Variants in ARHGAP39 observed in about 807,000 individuals in gnomAD.
ARHGAP39 encodes Rho GTPase activating protein 39.
ARHGAP39 carries 44 observed loss-of-function variants against 106.9 expected under a neutral mutation model. The observed-to-expected ratio is 0.41, with a 90% CI of 0.32 to 0.53. The LOEUF is 0.53. ARHGAP39 is among the 20% of genes least tolerant of loss of function. The pLI is 0.21. For synonymous variants in ARHGAP39, 768 were observed against 693.2 expected (o/e 1.11, Z -1.69); for missense variants, 1,496 against 1,577.3 (o/e 0.95, Z 0.87).
chr8:144,640,216 C>T (rs1293166574), intron 1 of ARHGAP39, among the ~76,000 whole-genome samples: 1 of 152,184 alleles, frequency 6.6e-6, no homozygotes. Context: ...GGCTCAGTTG[C>T]ACACGGGGGA....
intron 2 of ARHGAP39, among the ~76,000 whole-genome samples, chr8:144,600,989 C>T (rs55951122): frequency 0.068 from 9,057 of 134,054 alleles, 373 homozygotes; most frequent in Non-Finnish European, 0.091. Context: ...GGTGTGTGTG[C>T]GAGCTCATGT....
At chr8:144,539,155 G>C (rs907454607) in intron 6 of ARHGAP39, among the ~76,000 whole-genome samples, 3 of 152,148 alleles carry the variant, frequency 2.0e-5, no homozygotes, top group African/African-American at 7.2e-5. Flanking sequence ...ACTGCTGCCA[G>C]GAAACCACTG....
At chr8:144,661,480 C>T (rs573830643) in intron 1 of ARHGAP39, among the ~76,000 whole-genome samples, 54 of 152,268 alleles carry the variant, frequency 3.5e-4, no homozygotes, top group African/African-American at 1.3e-3. Flanking sequence ...ACCCAGCACT[C>T]CCCATCCACA....
intron 6 of ARHGAP39, among the ~76,000 whole-genome samples, chr8:144,540,900 A>G (rs575794367): frequency 3.1e-4 from 47 of 152,342 alleles, no homozygotes; most frequent in Non-Finnish European, 5.1e-4. Flanking sequence ...TGCCCAGGCT[A>G]GAGTGCAATG....
chr8:144,619,385 A>T (rs1317618421), intron 1 of ARHGAP39, among the ~76,000 whole-genome samples: 1 of 151,120 alleles, frequency 6.6e-6, no homozygotes, highest in Non-Finnish European at 1.5e-5. Flanking sequence ...CCAGAGGGAG[A>T]GTGTGTGCCC....
chr8:144,582,621 G>C (rs1332842988), intron 2 of ARHGAP39, among the ~76,000 whole-genome samples: 1 of 152,224 alleles, frequency 6.6e-6, no homozygotes, highest in African/African-American at 2.4e-5. Flanking sequence ...GTCCACGTGG[G>C]GCCATGAGGT....
chr8:144,626,731 C>G (rs1344010748), intron 1 of ARHGAP39, among the ~76,000 whole-genome samples: 1 of 152,258 alleles, frequency 6.6e-6, no homozygotes, highest in East Asian at 1.9e-4. Context: ...TCTCCAAGAC[C>G]AAGGTCTGCC....
At chr8:144,556,081 C>T (rs1034742869) in intron 3 of ARHGAP39, among the ~76,000 whole-genome samples, 5 of 152,018 alleles carry the variant, frequency 3.3e-5, no homozygotes, top group Non-Finnish European at 7.4e-5. Context: ...GTCAGGAGAT[C>T]GAGACCATCC....
intron 2 of ARHGAP39, among the ~76,000 whole-genome samples, chr8:144,601,523 T>G (rs1819944408): frequency 7.1e-6 from 1 of 140,930 alleles, no homozygotes; most frequent in African/African-American, 2.7e-5. Context: ...TGTGTGCTCA[T>G]GTACCTGTGT....
At chr8:144,700,090 T>A in the ARHGAP39 span, among the ~76,000 whole-genome samples, 1 of 152,172 alleles carries the variant, frequency 6.6e-6, no homozygotes, top group African/African-American at 2.4e-5. The surrounding 1 kb of genome is among the most constrained non-coding windows in gnomAD (Gnocchi z 5.6). Flanking sequence ...CCGTTCCCTG[T>A]CCGTCACCTC....
chr8:144,567,668 T>C (rs1278673937), intron 3 of ARHGAP39, among the ~76,000 whole-genome samples: 1 of 152,264 alleles, frequency 6.6e-6, no homozygotes, highest in Non-Finnish European at 1.5e-5. Context: ...CACCTGGCTC[T>C]GCCTTCTAGA....
At chr8:144,687,816 T>C (rs375588427), upstream of ARHGAP39, among the ~76,000 whole-genome samples, 164 of 101,564 alleles carry the variant, frequency 1.6e-3, 2 homozygotes, top group Non-Finnish European at 2.1e-3. Flanking sequence ...ACACTGGCGG[T>C]GAGCACTTCC....
chr8:144,532,692 C>G (rs1816778381), intron 9 of ARHGAP39, among the ~76,000 whole-genome samples: 1 of 152,200 alleles, frequency 6.6e-6, no homozygotes, highest in Non-Finnish European at 1.5e-5. Flanking sequence ...GGGGCTCAAC[C>G]TGCAAGCCTC....
intron 1 of ARHGAP39, among the ~76,000 whole-genome samples, chr8:144,682,069 C>A (rs1428229832): frequency 6.6e-6 from 1 of 151,202 alleles, no homozygotes; most frequent in African/African-American, 2.4e-5. Flanking sequence ...GAGATCGAGA[C>A]CATCCTGGCT....
chr8:144,547,496 C>G lies in ARHGAP39; in HGVS notation c.1590G>C (p.Gly530=), dbSNP rs200076586. Residue 530 remains glycine (G), a synonymous_variant, in exon 5 of 12, where the codon GGG becomes GGC. Transcript: ENST00000377307. This position sits in a 1 kb window ranked among gnomAD's most constrained non-coding sequence, Gnocchi z 5.2. The stretch of plus-strand genomic sequence containing the variant: ...CTCGCTTCACGGGGGCGAGGCTGGT[C>G]CCGCACGGGGGCTGTTCCTCGGCCA... The part of the protein sequence containing the change: ...QPLAEEQPPC[G]TSLAPVKRAE... The G allele has an allele frequency of 6.6e-7, 1 of 1,512,304 alleles. No homozygotes were observed. The highest frequency in any genetic ancestry group is 2.4e-5 in the East Asian group (1 of 42,362). 93.7% of individuals were successfully genotyped at this position (1,512,304 alleles called of 1,614,324 possible).
chr8:144,569,949 G>A (rs1411434042), intron 3 of ARHGAP39, among the ~76,000 whole-genome samples: 2 of 152,166 alleles, frequency 1.3e-5, no homozygotes, highest in Non-Finnish European at 2.9e-5. Flanking sequence ...GGCTGGGCGC[G>A]GTGGCTCAGG....
intron 1 of ARHGAP39, among the ~76,000 whole-genome samples, chr8:144,668,360 G>C (rs1044775176): frequency 6.6e-6 from 1 of 152,206 alleles, no homozygotes; most frequent in Non-Finnish European, 1.5e-5. Flanking sequence ...AGGAGAGCTT[G>C]AGCCCAGGAG....
intron 2 of ARHGAP39, among the ~76,000 whole-genome samples, chr8:144,605,184 C>T (rs1820236489): frequency 1.3e-5 from 2 of 152,174 alleles, no homozygotes; most frequent in South Asian, 2.1e-4. Context: ...CTGCTTTAGC[C>T]TAGGAGTTCA....
chr8:144,547,862 G>A lies in ARHGAP39; in HGVS notation c.1224C>T (p.Pro408=), dbSNP rs1281193971. The A allele has an allele frequency of 6.3e-7, 1 of 1,586,424 alleles. No homozygotes were observed. Among genetic ancestry groups the A allele is most frequent in the Admixed American group, 1.8e-5 (1 of 56,010 alleles). The change falls in exon 5 of 12, where the codon CCC becomes CCT. Residue 408 remains proline, a synonymous_variant. Coordinates refer to ENST00000377307, the MANE Select transcript of ARHGAP39 (RefSeq NM_025251.3). The surrounding 1 kb of genome is among the most constrained non-coding windows in gnomAD (Gnocchi z 5.2). ...LVYVEQAGSS[P]KLRAGPRHKY... ...TGTGCCGCGGGCCGGCGCGCAGCTT[G>A]GGGCTGGAGCCCGCCTGCTCCACGT... is the stretch of plus-strand genomic sequence containing the variant.
Sources: allele counts gnomAD v4.1 joint callset (sites outside exome capture counted in the v4.1 genomes callset), GRCh38; gene constraint gnomAD v4.1.1; non-coding constraint Gnocchi (gnomAD v3.1); transcripts MANE v1.5; gene names NCBI Gene and HGNC (gene_info 2026-07-23, HGNC 2026-07-21).